The following QRFPR variants were observed in gnomAD, a reference collection of about 807,000 sequenced individuals.
QRFPR encodes the protein pyroglutamylated RF-amide peptide receptor.
Under a neutral mutation model 31.3 loss-of-function variants are expected in QRFPR, and 37 were observed. The ratio of observed to expected loss-of-function variants is 1.18; its 90% CI spans 0.91 to 1.56. The LOEUF (loss-of-function observed/expected upper bound fraction) is 1.56. QRFPR is among the 40% of genes most tolerant of loss of function. The probability of loss-of-function intolerance (pLI) is 0.00; values close to 1 mark genes in which losing one functional copy is unlikely to be tolerated. For missense variants in QRFPR, 542 were observed against 532.5 expected (o/e 1.02, Z -0.18); for synonymous variants, 197 against 192.0 (o/e 1.03, Z -0.22).
intron 1 of QRFPR, among the ~76,000 whole-genome samples, chr4:121,377,923 C>T (rs11732033): frequency 6.6e-6 from 1 of 152,014 alleles, no homozygotes; most frequent in African/African-American, 2.4e-5. Context: ...GAAATTTTGC[C>T]ATGATTATCC....
At chr4:121,337,414 T>C (rs993239669) in intron 2 of QRFPR, among the ~76,000 whole-genome samples, 3 of 152,202 alleles carry the variant, frequency 2.0e-5, no homozygotes, top group Admixed American at 6.5e-5. Context: ...TGCCCTCTAG[T>C]GCAGTGTCTT....
Position 121,380,583 on chromosome 4 carries a change from C to T in QRFPR, c.65G>A (p.Arg22Gln), listed in dbSNP as rs148730428. 9.4e-5 allele frequency: 151 copies of T among 1,606,802 alleles called. No homozygotes were observed. In the African/African-American group the frequency reaches 1.8e-3, roughly 19 times the overall value. The change falls in exon 1 of 6, where the codon CGG (arginine) becomes CAG (glutamine). Residue 22 changes from arginine (R) to glutamine (Q), a missense_variant. By Grantham distance (43) the Arg-to-Gln change is conservative. Coordinates refer to ENST00000394427, the MANE Select transcript of QRFPR (RefSeq NM_198179.3). ...SRLLRDHNLT[R>Q]EQFIALYRLR... ...CCGGTACAGAGCGATGAACTGCTCC[C>T]GCGTCAGGTTGTGGTCCCGCAGCAG...
intron 1 of QRFPR, among the ~76,000 whole-genome samples, chr4:121,368,365 T>A (rs1443224241): frequency 6.7e-6 from 1 of 150,266 alleles, no homozygotes; most frequent in Non-Finnish European, 1.5e-5. Flanking sequence ...CTATACCAAG[T>A]CAGTAGACTG....
chr4:121,363,213 C>T (rs772767416), intron 1 of QRFPR, among the ~76,000 whole-genome samples: 1 of 150,002 alleles, frequency 6.7e-6, no homozygotes, highest in African/African-American at 2.5e-5. Context: ...GTAATCACAA[C>T]TACTCAGGAG....
intron 1 of QRFPR, among the ~76,000 whole-genome samples, chr4:121,378,410 T>G (rs56226730): frequency 0.12 from 16,195 of 140,038 alleles, 897 homozygotes; most frequent in Middle Eastern, 0.12. Context: ...CACTGCACTT[T>G]TTTTTTTTTT....
chr4:121,359,095 T>TAG (rs1725929395), intron 1 of QRFPR, among the ~76,000 whole-genome samples: 6 of 152,164 alleles, frequency 3.9e-5, no homozygotes, highest in Admixed American at 3.9e-4. Context: ...ACAATTAGTG[T>TAG]AGAGAATAGG....
At position 121,329,196 on chromosome 4, in the gene QRFPR, G is replaced by A. The variant is rs1725270913; in HGVS notation, c.*118C>T. On this transcript the variant is annotated 3_prime_UTR_variant, in exon 6 of 6. Transcript: ENST00000394427. ...TCGTGTCATTTTTTAATGGAAACAT[G>A]ATTTGTTTTCTTCTTGTCATCATCT... The A allele has an allele frequency of 1.3e-6, 1 of 799,078 alleles. No individual in the cohort carries two copies. The allele number at this position is 799,078 out of a possible 1,614,324, so 49.5% of individuals were successfully genotyped here.
At chr4:121,350,370 G>A (rs1179736302) in intron 1 of QRFPR, among the ~76,000 whole-genome samples, 1 of 152,160 alleles carries the variant, frequency 6.6e-6, no homozygotes, top group African/African-American at 2.4e-5. Context: ...AGCGGTGTCT[G>A]GTGGTTTGAT....
intron 1 of QRFPR, among the ~76,000 whole-genome samples, chr4:121,369,153 C>A (rs1227404542): frequency 6.6e-6 from 1 of 152,138 alleles, no homozygotes; most frequent in South Asian, 2.1e-4. Context: ...CTCAGCCTCC[C>A]AAGTAGCTGG....
At chr4:121,370,123 C>A in intron 1 of QRFPR, 1 of 765,984 alleles carries the variant, frequency 1.3e-6, no homozygotes, top group Non-Finnish European at 2.4e-6. Flanking sequence ...GGTAGACTGG[C>A]CTCTCCTTCC....
At chr4:121,345,510 A>G (rs1232643684) in intron 1 of QRFPR, among the ~76,000 whole-genome samples, 3 of 152,224 alleles carry the variant, frequency 2.0e-5, no homozygotes, top group Admixed American at 1.3e-4. Context: ...AATGTAGTGT[A>G]CTATGGGCTA....
chr4:121,358,492 G>T (rs887355560), intron 1 of QRFPR, among the ~76,000 whole-genome samples: 1 of 152,124 alleles, frequency 6.6e-6, no homozygotes. Flanking sequence ...TAACTGAAAA[G>T]AATTCCAACT....
intron 1 of QRFPR, among the ~76,000 whole-genome samples, chr4:121,348,902 C>G (rs1725712527): frequency 6.6e-6 from 1 of 152,050 alleles, no homozygotes; most frequent in Admixed American, 6.6e-5. Context: ...TTGAGACCAT[C>G]CTGGCTAACA....
At chr4:121,363,718 T>C (rs757492494) in intron 1 of QRFPR, among the ~76,000 whole-genome samples, 4 of 150,220 alleles carry the variant, frequency 2.7e-5, no homozygotes, top group Non-Finnish European at 5.9e-5. Flanking sequence ...CAAGTTAGTA[T>C]AACAGGGCTA....
chr4:121,329,102 A>ATCT lies in QRFPR; in HGVS notation c.*211_*212insAGA. The ATCT allele has an allele frequency of 2.2e-6, 1 of 449,150 alleles. No homozygotes were observed. Among genetic ancestry groups the ATCT allele is most frequent in the Non-Finnish European group, 3.9e-6 (1 of 259,020 alleles). 27.8% of individuals were successfully genotyped at this position (449,150 alleles called of 1,614,324 possible). ...AGTCAAGTGAAGCAGTGGGAATGAG[A>ATCT]AGGAACACAGAAATCTGTTAAATGA... On this transcript the variant is annotated 3_prime_UTR_variant, in exon 6 of 6. Transcript: ENST00000394427.
intron 2 of QRFPR, 38 bp from the exon 3 acceptor site, chr4:121,336,906 T>C (rs770754157): frequency 4.5e-6 from 7 of 1,549,540 alleles, no homozygotes; most frequent in Non-Finnish European, 6.2e-6. Flanking sequence ...ATGACTCAGT[T>C]GAGTAAAACA....
intron 1 of QRFPR, among the ~76,000 whole-genome samples, chr4:121,378,613 C>T (rs566566968): frequency 2.3e-4 from 35 of 152,006 alleles, no homozygotes; most frequent in East Asian, 1.2e-3. Flanking sequence ...TTAGTAGAGA[C>T]GGGGTTTCAC....
In QRFPR at chr4:121,380,848, G is replaced by A. The variant is rs1560749779; in HGVS notation, c.-201C>T. ...GCTCAGGGATCAAACCCACGATAAA[G>A]AGGCGGGAAGCCAAAGCACTGGGAG... On this transcript the variant is annotated 5_prime_UTR_variant, in exon 1 of 6. Transcript: ENST00000394427. 1 of 553,886 alleles carries A rather than the reference G, an allele frequency of 1.8e-6. No individual in the cohort carries two copies. The highest frequency in any genetic ancestry group is 2.6e-5 in the South Asian group (1 of 38,726). 34.3% of individuals were successfully genotyped at this position (553,886 alleles called of 1,614,324 possible).
chr4:121,358,247 T>C (rs1437737418), intron 1 of QRFPR, among the ~76,000 whole-genome samples: 2 of 152,230 alleles, frequency 1.3e-5, no homozygotes, highest in Non-Finnish European at 1.5e-5. Context: ...AAGAGATACC[T>C]ACACTGGTAG....
Sources: gnomAD v4.1 joint callset for allele counts (sites outside exome capture counted in the v4.1 genomes callset) on GRCh38, gnomAD v4.1.1 for gene constraint, MANE v1.5 for transcripts, NCBI Gene and HGNC (gene_info 2026-07-23, HGNC 2026-07-21) for gene names.